ABAT: variants seen among roughly 807,000 people sequenced by gnomAD.
ABAT encodes the protein 4-aminobutyrate aminotransferase.
Under a neutral mutation model 64.6 loss-of-function variants are expected in ABAT, and 45 were observed. That is an observed-to-expected ratio of 0.70 (90% CI 0.55 to 0.89). ABAT has a LOEUF of 0.89. Among genes scored for constraint, ABAT ranks in the 40% least tolerant of loss-of-function variants. ABAT has a pLI of 0.00. For synonymous variants in ABAT, 297 were observed against 250.5 expected, an observed-to-expected ratio of 1.19 and a Z score of -1.75; for missense variants, 633 against 658.4, an observed-to-expected ratio of 0.96 and a Z score of 0.42.
intron 3 of ABAT, 131 bp from the exon 4 acceptor site, chr16:8,747,977 G>A: frequency 1.3e-6 from 1 of 796,830 alleles, no homozygotes; most frequent in Non-Finnish European, 2.1e-6. Flanking sequence ...AAAGTAATAT[G>A]GTTGACTAAT....
chr16:8,746,292 G>T (rs1367211306), intron 3 of ABAT, among the ~76,000 whole-genome samples, 194 bp downstream of exon 3: 2 of 152,142 alleles, frequency 1.3e-5, no homozygotes, highest in East Asian at 2.0e-4. Flanking sequence ...GGTGGCTGAC[G>T]CTGTAATCCC....
intron 2 of ABAT, chr16:8,737,527 T>G (rs2142428040): frequency 6.6e-6 from 1 of 151,718 alleles, no homozygotes; most frequent in South Asian, 2.1e-4. Context: ...ATTTTAGATT[T>G]ACAGAGAAGT....
intron 1 of ABAT, among the ~76,000 whole-genome samples, chr16:8,679,390 G>A (rs868332355): frequency 1.3e-5 from 2 of 152,050 alleles, no homozygotes; most frequent in Admixed American, 6.5e-5. Context: ...CACCTAGAGG[G>A]ATCCTGGTGT....
intron 1 of ABAT, among the ~76,000 whole-genome samples, chr16:8,735,152 C>G (rs1263017633): frequency 2.9e-4 from 38 of 131,364 alleles, no homozygotes; most frequent in African/African-American, 1.1e-3. Context: ...CCAGCCTGAG[C>G]GATAGAATGA....
At chr16:8,742,782 C>T (rs2059199239) in intron 2 of ABAT, among the ~76,000 whole-genome samples, 1 of 147,212 alleles carries the variant, frequency 6.8e-6, no homozygotes, top group African/African-American at 2.5e-5. Flanking sequence ...GAGAGGATTG[C>T]TTGAAACCGG....
At chr16:8,690,231 T>C (rs775379938) in intron 1 of ABAT, among the ~76,000 whole-genome samples, 3 of 152,188 alleles carry the variant, frequency 2.0e-5, no homozygotes, top group Non-Finnish European at 4.4e-5. Context: ...TGGAACTCTT[T>C]TCTCCCCAGC....
At chr16:8,758,468 G>C (rs1238404839) in intron 6 of ABAT, among the ~76,000 whole-genome samples, 1 of 152,152 alleles carries the variant, frequency 6.6e-6, no homozygotes, top group African/African-American at 2.4e-5. Flanking sequence ...CAGAGAGAGT[G>C]GGGAGGGACC....
In ABAT at chr16:8,783,334, C is replaced by T. The variant is rs1423003823; in HGVS notation, c.*1904C>T. 1 of 152,052 alleles carries T rather than the reference C, an allele frequency of 6.6e-6. No homozygotes were observed. Among genetic ancestry groups the T allele is most frequent in the Non-Finnish European group, 1.5e-5 (1 of 68,034 alleles). The allele number at this position is 152,052 out of a possible 1,614,324, so 9.4% of individuals were successfully genotyped here. On this transcript the variant is annotated 3_prime_UTR_variant, in exon 16 of 16. Coordinates refer to ENST00000268251, the MANE Select transcript of ABAT (RefSeq NM_020686.6). ...CCACTGGAAACAACAGACTCTTAAA[C>T]TAACAATTCAAGCAGGCGCCAAGTG...
At chr16:8,686,101 C>T (rs544856048) in intron 1 of ABAT, among the ~76,000 whole-genome samples, 1 of 152,218 alleles carries the variant, frequency 6.6e-6, no homozygotes, top group Non-Finnish European at 1.5e-5. Flanking sequence ...GAGCAAGGCA[C>T]CACCCCGGCA....
chr16:8,709,767 G>C (rs1392839335), intron 1 of ABAT, among the ~76,000 whole-genome samples: 16 of 151,958 alleles, frequency 1.1e-4, no homozygotes, highest in Admixed American at 1.0e-3. Flanking sequence ...CAATCAGAAA[G>C]ATGTAGGGGC....
intron 12 of ABAT, 81 bp downstream of exon 12, chr16:8,772,998 C>T (rs1213864860): frequency 1.9e-6 from 3 of 1,587,042 alleles, no homozygotes; most frequent in Admixed American, 3.4e-5. Flanking sequence ...AGCAGCACCT[C>T]TGCCTTGGAG....
At chr16:8,756,840 C>G (rs1055108731) in intron 5 of ABAT, among the ~76,000 whole-genome samples, 3 of 152,208 alleles carry the variant, frequency 2.0e-5, no homozygotes, top group African/African-American at 7.2e-5. Context: ...TCTTTATACA[C>G]ACTGGTAGGA....
At chr16:8,766,296 G>C (rs187620076) in intron 9 of ABAT, 26 bp downstream of exon 9, 4 of 1,609,236 alleles carry the variant, frequency 2.5e-6, no homozygotes, top group South Asian at 1.1e-5. Flanking sequence ...CTTGCACCAC[G>C]TACATCTGGG....
intron 1 of ABAT, among the ~76,000 whole-genome samples, chr16:8,693,086 C>G (rs1313344214): frequency 6.6e-6 from 1 of 152,116 alleles, no homozygotes; most frequent in Non-Finnish European, 1.5e-5. Context: ...AACTCATGAC[C>G]TCAGGTGATC....
At chr16:8,686,765 A>T (rs1050455155) in intron 1 of ABAT, among the ~76,000 whole-genome samples, 1 of 151,888 alleles carries the variant, frequency 6.6e-6, no homozygotes, top group Non-Finnish European at 1.5e-5. Flanking sequence ...ACCTCAGTTT[A>T]CTCCTCCATC....
rs894467743 is a variant in ABAT at position 8,703,129 on chromosome 16, G to A, written c.-42+28418G>A. Reference sequence around the variant, plus strand: ...ATACTGGCTTTCTAGATACAGTAATGATATAAAAGTTTCCACTTAAATTAC... The same window carrying A: ...ATACTGGCTTTCTAGATACAGTAATAATATAAAAGTTTCCACTTAAATTAC... On this transcript the variant is annotated intron_variant, in intron 1 of 15. Coordinates refer to ENST00000268251, the MANE Select transcript of ABAT (RefSeq NM_020686.6). Among the ~76,000 whole-genome samples, 3 of 152,138 alleles carry A rather than the reference G, an allele frequency of 2.0e-5. No homozygotes were observed. In the East Asian group the frequency reaches 5.8e-4, roughly 29 times the overall value.
At chr16:8,753,960 C>T (rs1403277578) in intron 5 of ABAT, among the ~76,000 whole-genome samples, 2 of 152,056 alleles carry the variant, frequency 1.3e-5, no homozygotes, top group East Asian at 1.9e-4. Flanking sequence ...GAGGAGTGCG[C>T]GGCCCAGGCT....
chr16:8,775,256 C>T (rs940405945), intron 13 of ABAT, among the ~76,000 whole-genome samples, 199 bp downstream of exon 13: 2 of 129,832 alleles, frequency 1.5e-5, no homozygotes, highest in Admixed American at 1.7e-4. Context: ...CTGGAACAGT[C>T]CACCATCAGC....
Position 8,707,353 on chromosome 16 carries a change from A to ATTTTTTTTTTTTTTTTTTTTTTTTTTT in ABAT, c.-41-28329_-41-28328insTTTTTTTTTTTTTTTTTTTTTTTTTTT, listed in dbSNP as rs386384172. Among the ~76,000 whole-genome samples, 10 of 123,934 alleles carry ATTTTTTTTTTTTTTTTTTTTTTTTTTT rather than the reference A, an allele frequency of 8.1e-5. 1 individual carries two copies. Among genetic ancestry groups the ATTTTTTTTTTTTTTTTTTTTTTTTTTT allele is most frequent in the African/African-American group, 3.3e-4 (10 of 30,174 alleles). 81.3% of individuals were successfully genotyped at this position (123,934 alleles called of 152,430 possible). ...AGGCACACACTACCATGCCAGGGTA[A>ATTTTTTTTTTTTTTTTTTTTTTTTTTT]TTTTTTTTTTTTTTTTTAGCGGAGA... On this transcript the variant is annotated intron_variant, in intron 1 of 15. Transcript: ENST00000268251.
Sources: allele counts gnomAD v4.1 joint callset (sites outside exome capture counted in the v4.1 genomes callset), GRCh38; gene constraint gnomAD v4.1.1; transcripts MANE v1.5; gene names NCBI Gene and HGNC (gene_info 2026-07-23, HGNC 2026-07-21).